ZNF420: variants seen among roughly 807,000 people sequenced by gnomAD.
ZNF420 encodes ATM and p53-associated KZNF protein.
Under a neutral mutation model 44.7 loss-of-function variants are expected in ZNF420, and 31 were observed. That is an observed-to-expected ratio of 0.69 (90% CI 0.52 to 0.94). The LOEUF is 0.94. Among genes scored for constraint, ZNF420 ranks in the 40% least tolerant of loss-of-function variants. ZNF420 has a pLI of 0.00. For synonymous variants in ZNF420, 245 were observed against 267.4 expected, an observed-to-expected ratio of 0.92 and a Z score of 0.82; for missense variants, 681 against 827.9, an observed-to-expected ratio of 0.82 and a Z score of 2.18.
At chr19:37,030,445 C>G (rs1353160578) in intron 1 of ZNF420, among the ~76,000 whole-genome samples, 1 of 152,152 alleles carries the variant, frequency 6.6e-6, no homozygotes, top group African/African-American at 2.4e-5. Context: ...ACAGGCGTGA[C>G]CCACTGCATC....
At chr19:37,105,628 G>T (rs374119532) in intron 4 of ZNF420, among the ~76,000 whole-genome samples, 28 of 152,266 alleles carry the variant, frequency 1.8e-4, no homozygotes, top group African/African-American at 6.5e-4. Flanking sequence ...CATTGATTCA[G>T]TATGGCCATT....
At chr19:37,066,926 C>T (rs1261284319) in intron 1 of ZNF420, among the ~76,000 whole-genome samples, 1 of 152,096 alleles carries the variant, frequency 6.6e-6, no homozygotes, top group East Asian at 1.9e-4. Context: ...AACTGTGATA[C>T]AATCATAGAG....
At chr19:37,075,133 T>C (rs890785121), upstream of ZNF420, 10 of 152,198 alleles carry the variant, frequency 6.6e-5, no homozygotes, top group African/African-American at 2.2e-4. Flanking sequence ...TCAGACACTA[T>C]AACGGAGCTG....
At chr19:37,062,750 T>C (rs1275971967) in intron 1 of ZNF420, among the ~76,000 whole-genome samples, 1 of 152,194 alleles carries the variant, frequency 6.6e-6, no homozygotes, top group African/African-American at 2.4e-5. Context: ...TAGGACTTCA[T>C]CATTTCTTCT....
At position 37,129,937 on chromosome 19, in the gene ZNF420, C is replaced by G. The variant is rs953010641; in HGVS notation, c.*879C>G. On this transcript the variant is annotated 3_prime_UTR_variant, in exon 5 of 5. Transcript: ENST00000337995. ...ATAACTGATATTACAGACTATTTTG[C>G]AATGAAAAATGATGAGAGTTTGTGA... The G allele has an allele frequency of 7.3e-7, 1 of 1,372,584 alleles. No individual in the cohort carries two copies. Among genetic ancestry groups the G allele is most frequent in the African/African-American group, 1.5e-5 (1 of 67,230 alleles). The allele number at this position is 1,372,584 out of a possible 1,614,324, so 85.0% of individuals were successfully genotyped here. A position where few individuals can be genotyped will look rare whatever the true frequency, so the allele number is the denominator to read the frequency against.
At chr19:37,061,341 TAA>T (rs1484261204) in intron 1 of ZNF420, among the ~76,000 whole-genome samples, 3 of 152,196 alleles carry the variant, frequency 2.0e-5, no homozygotes, top group Non-Finnish European at 2.9e-5. Flanking sequence ...AGTAACTGGG[TAA>T]AGATATCCAT....
intron 1 of ZNF420, among the ~76,000 whole-genome samples, chr19:37,067,705 G>A (rs934418479): frequency 8.5e-5 from 13 of 152,148 alleles, no homozygotes; most frequent in Non-Finnish European, 1.9e-4. Context: ...AACTGTGATA[G>A]ATGCACTTCA....
At chr19:37,079,288 G>T (rs993808759) in intron 1 of ZNF420, among the ~76,000 whole-genome samples, 5 of 152,134 alleles carry the variant, frequency 3.3e-5, no homozygotes, top group Non-Finnish European at 5.9e-5. Context: ...ACTTTATGTG[G>T]CCATTTGTAT....
In ZNF420 at chr19:37,078,539, G is replaced by T. The variant is rs111821221; in HGVS notation, c.-156G>T. The stretch of plus-strand genomic sequence containing the variant: ...AATTGGGCTTGGAACCCGGGAGCCA[G>T]ATCTTGGACCCTGAACTGCACCTCT... On this transcript the variant is annotated 5_prime_UTR_variant, in exon 1 of 5. Coordinates refer to ENST00000337995, the MANE Select transcript of ZNF420 (RefSeq NM_144689.5). The T allele has an allele frequency of 1.3e-5, 2 of 152,348 alleles. No homozygotes were observed. The highest frequency in any genetic ancestry group is 2.9e-5 in the Non-Finnish European group (2 of 68,126). 9.4% of individuals were successfully genotyped at this position (152,348 alleles called of 1,614,324 possible). A position where few individuals can be genotyped will look rare whatever the true frequency, so the allele number is the denominator to read the frequency against.
chr19:37,047,834 C>G (rs550129664), intron 1 of ZNF420, among the ~76,000 whole-genome samples: 1 of 152,272 alleles, frequency 6.6e-6, no homozygotes, highest in East Asian at 1.9e-4. Flanking sequence ...TAACTGCCAT[C>G]TGGAAGCGAA....
chr19:37,021,936 C>CAA (rs60559933), intron 1 of ZNF420, among the ~76,000 whole-genome samples: 31 of 84,566 alleles, frequency 3.7e-4, no homozygotes, highest in East Asian at 1.3e-3. Flanking sequence ...CAGTCTGTCT[C>CAA]AAAAAAAAAA....
intron 3 of ZNF420, among the ~76,000 whole-genome samples, chr19:37,090,458 A>C (rs1969067323): frequency 6.6e-6 from 1 of 152,150 alleles, no homozygotes; most frequent in Admixed American, 6.5e-5. Context: ...GCAGTGAGCT[A>C]TGATGGTGCC....
rs185930446 is a variant in ZNF420, at chr19:37,130,092, G to A, written c.*1034G>A. On this transcript the variant is annotated 3_prime_UTR_variant, in exon 5 of 5. Coordinates refer to ENST00000337995, the MANE Select transcript of ZNF420 (RefSeq NM_144689.5). ...ATATTTATATGAGTAGGAGATTTAC[G>A]AAATCCATTTTTCCTGTCTTTTTTT... 5.0e-5 allele frequency: 77 copies of A among 1,550,106 alleles called. No homozygotes were observed. The East Asian group carries it at 5.6e-4, about 11-fold the overall frequency.
At chr19:37,114,076 G>A (rs1325347327) in intron 4 of ZNF420, among the ~76,000 whole-genome samples, 4 of 152,094 alleles carry the variant, frequency 2.6e-5, no homozygotes, top group African/African-American at 9.7e-5. Context: ...TAGGGGAGGC[G>A]CTCCCTCTTG....
At chr19:37,041,436 C>G (rs1967451344) in intron 1 of ZNF420, among the ~76,000 whole-genome samples, 1 of 151,856 alleles carries the variant, frequency 6.6e-6, no homozygotes, top group South Asian at 2.1e-4. Context: ...AGCCTATAAA[C>G]TTATATATAA....
chr19:37,097,652 T>A (rs1459820376), intron 4 of ZNF420, among the ~76,000 whole-genome samples: 1 of 152,196 alleles, frequency 6.6e-6, no homozygotes, highest in Non-Finnish European at 1.5e-5. Context: ...TTAAAAATTT[T>A]TTTGCATTTC....
chr19:37,094,998 G>T (rs1407071659), intron 4 of ZNF420, among the ~76,000 whole-genome samples: 1 of 152,038 alleles, frequency 6.6e-6, no homozygotes, highest in Non-Finnish European at 1.5e-5. Context: ...AGGTGTGGTG[G>T]CACATGCCTG....
chr19:37,072,419 G>A (rs1968072378), intron 1 of ZNF420, among the ~76,000 whole-genome samples: 1 of 152,178 alleles, frequency 6.6e-6, no homozygotes, highest in Non-Finnish European at 1.5e-5. Flanking sequence ...CAAGCACACA[G>A]AATCCACAGG....
At chr19:37,045,215 A>G (rs534149971) in intron 1 of ZNF420, among the ~76,000 whole-genome samples, 1 of 152,300 alleles carries the variant, frequency 6.6e-6, no homozygotes, top group African/African-American at 2.4e-5. Flanking sequence ...TGTAGTTCCA[A>G]AGTTATATAT....
Sources: gnomAD v4.1 joint callset for allele counts (sites outside exome capture counted in the v4.1 genomes callset) on GRCh38, gnomAD v4.1.1 for gene constraint, MANE v1.5 for transcripts, NCBI Gene and HGNC (gene_info 2026-07-23, HGNC 2026-07-21) for gene names.